The following MBNL3 variants were observed in gnomAD, a reference collection of about 807,000 sequenced individuals.
MBNL3 encodes muscleblind-like protein 3.
In MBNL3, 6 loss-of-function variants were observed where a neutral mutation model predicts 24.5. The observed-to-expected ratio is 0.25, with a 90% confidence interval of 0.13 to 0.48. MBNL3 has a LOEUF of 0.48. MBNL3 is among the 20% of genes least tolerant of loss of function. The pLI is 0.99. For synonymous variants in MBNL3, 100 were observed against 101.7 expected (o/e 0.98, Z 0.10); for missense variants, 230 against 293.5 (o/e 0.78, Z 1.58).
At chrX:132,471,816 A>G (rs1008477435) in intron 1 of MBNL3, among the ~76,000 whole-genome samples, 3 of 113,113 alleles carry the variant, frequency 2.7e-5, no homozygotes, top group Non-Finnish European at 5.6e-5. Flanking sequence ...GGAAGGGAAG[A>G]TATTTAGCAC....
chrX:132,414,921 G>A (rs1487495795), intron 2 of MBNL3, among the ~76,000 whole-genome samples: 1 of 111,361 alleles, frequency 9.0e-6, no homozygotes, highest in Non-Finnish European at 1.9e-5. Context: ...AAGCTAACAA[G>A]ATGGATATTT....
intron 3 of MBNL3, among the ~76,000 whole-genome samples, chrX:132,393,445 A>G (rs769675422): frequency 8.1e-5 from 9 of 110,601 alleles, no homozygotes; most frequent in Non-Finnish European, 1.3e-4. Flanking sequence ...TGGATTCAAA[A>G]AGTTTAATAT....
chrX:132,430,334 A>C (rs773663220), intron 2 of MBNL3: 14 of 111,628 alleles, frequency 1.3e-4, no homozygotes, highest in African/African-American at 4.6e-4. Flanking sequence ...ACCATAACAC[A>C]ATTACCAAAA....
At chrX:132,399,169 A>C (rs748383833) in intron 3 of MBNL3, among the ~76,000 whole-genome samples, 5 of 111,824 alleles carry the variant, frequency 4.5e-5, no homozygotes, top group Non-Finnish European at 9.4e-5. Flanking sequence ...GTGCAAAAAG[A>C]AGTAAAAGTA....
chrX:132,471,933 T>C (rs960266928), intron 1 of MBNL3, among the ~76,000 whole-genome samples: 9 of 112,350 alleles, frequency 8.0e-5, no homozygotes, highest in Non-Finnish European at 1.7e-4. Context: ...GAAGCAATTT[T>C]CCAAGATTAT....
In MBNL3 at chrX:132,469,872, C is replaced by T. The variant is rs894667130; in HGVS notation, c.-704+18979G>A. Among the ~76,000 whole-genome samples the T allele has an allele frequency of 7.2e-5, 8 of 111,842 alleles. No individual in the cohort carries two copies. The Admixed American group carries it at 7.6e-4, about 11-fold the overall frequency. On this transcript the variant is annotated intron_variant, in intron 1 of 8. Coordinates refer to ENST00000370853, the MANE Select transcript of MBNL3 (RefSeq NM_001386889.1). ...CCATTCCTCTTAGGCTGTGCTCCCA[C>T]CCCTTCTTCCCTAAGCAGCCACTAA...
intron 2 of MBNL3, chrX:132,411,319 T>C (rs1942702369): frequency 1.3e-6 from 1 of 752,383 alleles, no homozygotes; most frequent in South Asian, 6.8e-5. Flanking sequence ...AGAAGAATTT[T>C]CTTGCCTATC....
chrX:132,468,137 A>G (rs748827918), intron 1 of MBNL3, among the ~76,000 whole-genome samples: 2 of 112,335 alleles, frequency 1.8e-5, no homozygotes, highest in Non-Finnish European at 3.8e-5. Flanking sequence ...TGCAGTCAAA[A>G]AGTGTAAATC....
At chrX:132,395,849 T>C (rs1938083116) in intron 3 of MBNL3, among the ~76,000 whole-genome samples, 1 of 110,849 alleles carries the variant, frequency 9.0e-6, no homozygotes, top group Non-Finnish European at 1.9e-5. Context: ...TCTCAGCAAG[T>C]TCAAGGACCC....
chrX:132,428,040 G>T (rs1358082371), intron 2 of MBNL3, among the ~76,000 whole-genome samples: 2 of 110,673 alleles, frequency 1.8e-5, no homozygotes, highest in African/African-American at 6.6e-5. Context: ...TTTCCAGTGG[G>T]TTAAAAAAAA....
At chrX:132,488,133 G>T (rs1324948619) in intron 1 of MBNL3, among the ~76,000 whole-genome samples, 1 of 111,717 alleles carries the variant, frequency 9.0e-6, no homozygotes, top group Middle Eastern at 4.2e-3. Context: ...ACATCTAGGA[G>T]AAAATAACTC....
chrX:132,460,300 G>A (rs1387849799), intron 1 of MBNL3, among the ~76,000 whole-genome samples: 1 of 111,773 alleles, frequency 8.9e-6, no homozygotes, highest in African/African-American at 3.3e-5. Context: ...TCTTACTTAA[G>A]AGAACAAGAG....
chrX:132,445,870 C>A (rs757365225), intron 1 of MBNL3, among the ~76,000 whole-genome samples: 1 of 111,124 alleles, frequency 9.0e-6, no homozygotes, highest in African/African-American at 3.3e-5. Context: ...TAGGTATACA[C>A]GTGCCATGGT....
intron 2 of MBNL3, among the ~76,000 whole-genome samples, chrX:132,434,139 A>G (rs919439090): frequency 8.0e-5 from 9 of 112,310 alleles, no homozygotes; most frequent in African/African-American, 2.9e-4. Context: ...GTTCACGGCT[A>G]AGTCCCAAGG....
intron 1 of MBNL3, among the ~76,000 whole-genome samples, chrX:132,481,826 T>C (rs1947755518): frequency 9.0e-6 from 1 of 111,608 alleles, no homozygotes; most frequent in Non-Finnish European, 1.9e-5. Flanking sequence ...GTATTGTTGC[T>C]GCACTGAATC....
chrX:132,443,605 T>C (rs936293123), intron 1 of MBNL3, among the ~76,000 whole-genome samples: 2 of 111,476 alleles, frequency 1.8e-5, no homozygotes, highest in African/African-American at 6.5e-5. Context: ...CTCATTTAAA[T>C]AGAGAAGTAA....
At chrX:132,461,012 C>T in intron 1 of MBNL3, among the ~76,000 whole-genome samples, 1 of 111,875 alleles carries the variant, frequency 8.9e-6, no homozygotes, top group East Asian at 2.8e-4. Context: ...CCTCCAGCTC[C>T]ATCCAAGTTG....
At chrX:132,432,059 C>T (rs1333296376) in intron 2 of MBNL3, 1 of 111,423 alleles carries the variant, frequency 9.0e-6, no homozygotes, top group African/African-American at 3.3e-5. Context: ...CATGACATAG[C>T]TTTTCCCATC....
rs1441252884 is a variant in MBNL3 at position 132,457,668 on chromosome X, T to C, written c.-703-17354A>G. 1.3e-4 allele frequency among the ~76,000 whole-genome samples: 14 copies of C among 111,368 alleles called. No homozygotes were observed. The Admixed American group carries it at 1.3e-3, about 11-fold the overall frequency. ...TCCATATACAGAAAGGGAACCAAAA[T>C]GCCTTCATTCTATTTAAAATAACAG... On this transcript the variant is annotated intron_variant, in intron 1 of 8. Coordinates refer to ENST00000370853, the MANE Select transcript of MBNL3 (RefSeq NM_001386889.1).
Sources: allele counts gnomAD v4.1 joint callset (sites outside exome capture counted in the v4.1 genomes callset), GRCh38; gene constraint gnomAD v4.1.1; transcripts MANE v1.5; gene names NCBI Gene and HGNC (gene_info 2026-07-23, HGNC 2026-07-21).